The following TSPAN5 variants were observed in gnomAD, a reference collection of about 807,000 sequenced individuals.
TSPAN5 encodes tetraspanin 5.
In TSPAN5, 10 loss-of-function variants were observed where a neutral mutation model predicts 37.1. The observed-to-expected ratio is 0.27, with a 90% CI of 0.17 to 0.46. The LOEUF is 0.46. TSPAN5 is among the 20% of genes least tolerant of loss of function. TSPAN5 has a pLI of 1.00. For synonymous variants in TSPAN5, 110 were observed against 118.9 expected (o/e 0.93, Z 0.48); for missense variants, 195 against 326.6 (o/e 0.60, Z 3.11).
intron 1 of TSPAN5, among the ~76,000 whole-genome samples, chr4:98,639,645 C>T (rs1756923514): frequency 1.3e-5 from 2 of 152,172 alleles, no homozygotes; most frequent in Non-Finnish European, 2.9e-5. Flanking sequence ...TAACTGTTTA[C>T]TCCAATATCA....
chr4:98,572,805 G>A lies in TSPAN5; in HGVS notation c.82-65077C>T, dbSNP rs557504815. 4.7e-4 allele frequency among the ~76,000 whole-genome samples: 72 copies of A among 152,240 alleles called. 1 individual carries two copies. The highest frequency in any genetic ancestry group is 1.5e-3 in the African/African-American group (63 of 41,532). On this transcript the variant is annotated intron_variant, in intron 1 of 7. Coordinates refer to ENST00000305798, the MANE Select transcript of TSPAN5 (RefSeq NM_005723.4). ...GATGTTGTAAATACATTTCCCTCACGTAGCACCTCTTCCTCATTCACCTGG... is the reference window on the plus strand; with the variant it reads ...GATGTTGTAAATACATTTCCCTCACATAGCACCTCTTCCTCATTCACCTGG...
At chr4:98,506,375 C>G (rs1332531034) in intron 2 of TSPAN5, among the ~76,000 whole-genome samples, 1 of 152,244 alleles carries the variant, frequency 6.6e-6, no homozygotes, top group East Asian at 1.9e-4. Flanking sequence ...TACATAATCA[C>G]TGCCCTGCCT....
chr4:98,487,450 G>A (rs1469368736), intron 2 of TSPAN5, among the ~76,000 whole-genome samples: 3 of 152,146 alleles, frequency 2.0e-5, no homozygotes, highest in African/African-American at 7.2e-5. Flanking sequence ...CCCAATTCAC[G>A]CAGAAGTTAG....
At chr4:98,608,262 T>C (rs1756087807) in intron 1 of TSPAN5, among the ~76,000 whole-genome samples, 1 of 152,134 alleles carries the variant, frequency 6.6e-6, no homozygotes, top group Non-Finnish European at 1.5e-5. Context: ...TTTTAGTCAC[T>C]GGGATCCTTT....
chr4:98,567,937 TTGAG>T (rs10588345), intron 1 of TSPAN5, among the ~76,000 whole-genome samples: 114,186 of 151,676 alleles, frequency 0.75, 43,553 homozygotes, highest in African/African-American at 0.87. Context: ...TCTAGCCTCT[TTGAG>T]TTTCACTTTC....
intron 1 of TSPAN5, among the ~76,000 whole-genome samples, chr4:98,587,774 A>G (rs1179540590): frequency 2.0e-5 from 3 of 152,156 alleles, no homozygotes; most frequent in African/African-American, 7.2e-5. Flanking sequence ...CTGTAGTCCC[A>G]GCTTCTCAGG....
intron 1 of TSPAN5, among the ~76,000 whole-genome samples, chr4:98,569,242 G>C (rs1294694031): frequency 1.3e-5 from 2 of 152,172 alleles, no homozygotes; most frequent in Non-Finnish European, 2.9e-5. Context: ...GCCATGAAAT[G>C]GAAATAGAAA....
intron 1 of TSPAN5, among the ~76,000 whole-genome samples, chr4:98,555,320 A>G (rs2110160569): frequency 6.6e-6 from 1 of 152,226 alleles, no homozygotes; most frequent in African/African-American, 2.4e-5. Context: ...TATATCAAGC[A>G]ATTTTTGACG....
At chr4:98,519,413 G>A (rs1753806427) in intron 1 of TSPAN5, among the ~76,000 whole-genome samples, 1 of 152,080 alleles carries the variant, frequency 6.6e-6, no homozygotes. Context: ...TGGGAGGATC[G>A]CTTGAGCCCA....
intron 1 of TSPAN5, among the ~76,000 whole-genome samples, chr4:98,646,703 TC>T (rs1293081090): frequency 2.6e-5 from 4 of 152,258 alleles, no homozygotes; most frequent in Admixed American, 6.5e-5. Context: ...GATCTTTTTT[TC>T]CTTTTAAGTT....
intron 1 of TSPAN5, among the ~76,000 whole-genome samples, chr4:98,650,074 C>A (rs1757152814): frequency 6.6e-6 from 1 of 152,140 alleles, no homozygotes; most frequent in South Asian, 2.1e-4. Context: ...AGAAAAACAT[C>A]ATTAGTGTAA....
intron 1 of TSPAN5, among the ~76,000 whole-genome samples, chr4:98,522,507 C>G (rs1047805655): frequency 6.6e-6 from 1 of 152,216 alleles, no homozygotes; most frequent in African/African-American, 2.4e-5. Context: ...TATTTCCATA[C>G]CCATGTTTAA....
chr4:98,518,624 A>C (rs1008959412), intron 1 of TSPAN5, among the ~76,000 whole-genome samples: 3 of 152,236 alleles, frequency 2.0e-5, no homozygotes, highest in Non-Finnish European at 4.4e-5. Context: ...TCAAAGCCTG[A>C]AACAGCATCT....
At chr4:98,615,825 A>T (rs1274659290) in intron 1 of TSPAN5, among the ~76,000 whole-genome samples, 1 of 152,196 alleles carries the variant, frequency 6.6e-6, no homozygotes, top group Non-Finnish European at 1.5e-5. Flanking sequence ...AAAGAAGATA[A>T]GTGTGTCACA....
chr4:98,580,342 C>T (rs1057287557), intron 1 of TSPAN5, among the ~76,000 whole-genome samples: 3 of 152,180 alleles, frequency 2.0e-5, no homozygotes, highest in African/African-American at 7.2e-5. Context: ...GAAACATCAT[C>T]TGACTCTGAC....
intron 1 of TSPAN5, among the ~76,000 whole-genome samples, chr4:98,581,056 A>C (rs1755359586): frequency 6.6e-6 from 1 of 152,196 alleles, no homozygotes; most frequent in Non-Finnish European, 1.5e-5. Flanking sequence ...AAGGGGAAAA[A>C]AAAATTAACG....
intron 1 of TSPAN5, among the ~76,000 whole-genome samples, chr4:98,536,533 G>T (rs1249591239): frequency 6.6e-6 from 1 of 152,214 alleles, no homozygotes; most frequent in Admixed American, 6.5e-5. Flanking sequence ...ACTGTGCTGG[G>T]AGGTCCGCTG....
intron 1 of TSPAN5, among the ~76,000 whole-genome samples, chr4:98,533,490 T>C (rs1754147980): frequency 6.6e-6 from 1 of 150,710 alleles, no homozygotes; most frequent in African/African-American, 2.4e-5. Context: ...GTTTATAGTA[T>C]TCTCTGATGG....
intron 1 of TSPAN5, among the ~76,000 whole-genome samples, chr4:98,607,343 T>C (rs1560556821): frequency 6.6e-6 from 1 of 152,162 alleles, no homozygotes; most frequent in African/African-American, 2.4e-5. Flanking sequence ...GGCATTTCTG[T>C]ATGTTTGGTG....
Sources: allele counts gnomAD v4.1 joint callset (sites outside exome capture counted in the v4.1 genomes callset), GRCh38; gene constraint gnomAD v4.1.1; transcripts MANE v1.5; gene names NCBI Gene and HGNC (gene_info 2026-07-23, HGNC 2026-07-21).